AFF2: variants seen among roughly 807,000 people sequenced by gnomAD.
The protein encoded by AFF2 is ALF transcription elongation factor 2.
Under a neutral mutation model 76.9 loss-of-function variants are expected in AFF2, and 14 were observed. The ratio of observed to expected loss-of-function variants is 0.18; its 90% CI spans 0.12 to 0.28. AFF2 has a LOEUF of 0.28. Among genes scored for constraint, AFF2 ranks in the 10% least tolerant of loss-of-function variants. The pLI is 1.00. For synonymous variants in AFF2, 398 were observed against 366.7 expected (o/e 1.09, Z -0.98); for missense variants, 868 against 1,001.1 (o/e 0.87, Z 1.79).
chrX:148,958,502 C>G (rs781910129), intron 12 of AFF2, 44 bp downstream of exon 12: 17 of 1,180,669 alleles, frequency 1.4e-5, no homozygotes, highest in Non-Finnish European at 1.8e-5. Flanking sequence ...TATGATTGTT[C>G]AGACTCCTAA....
chrX:148,518,771 A>G (rs182254415), intron 1 of AFF2, among the ~76,000 whole-genome samples: 1 of 112,237 alleles, frequency 8.9e-6, no homozygotes, highest in African/African-American at 3.2e-5. Context: ...GCTGCAGTGT[A>G]GACCATTGGC....
intron 8 of AFF2, among the ~76,000 whole-genome samples, chrX:148,888,337 G>C (rs1257462366): frequency 8.9e-6 from 1 of 112,167 alleles, no homozygotes; most frequent in Non-Finnish European, 1.9e-5. Context: ...TCGATGTCAT[G>C]TATCAGTACT....
intron 4 of AFF2, among the ~76,000 whole-genome samples, chrX:148,827,567 C>T (rs1284164155): frequency 4.5e-5 from 5 of 111,823 alleles, no homozygotes; most frequent in African/African-American, 6.5e-5. Context: ...GCATTGACAC[C>T]GTATCTCTCC....
rs74588223 is a variant in AFF2, at chrX:148,745,781, C to T, written c.1042-64095C>T. ...ATTTTTAGACAGAGTCTGACTCTGTCGCCAACGCTGGGGTGTAGTGGTGCG... is the reference window on the plus strand; with the variant it reads ...ATTTTTAGACAGAGTCTGACTCTGTTGCCAACGCTGGGGTGTAGTGGTGCG... On this transcript the variant is annotated intron_variant, in intron 3 of 20. Transcript: ENST00000370460. Among the ~76,000 whole-genome samples, 25 of 110,696 alleles carry T rather than the reference C, an allele frequency of 2.3e-4. No individual in the cohort carries two copies. In the East Asian group the frequency reaches 7.1e-3, roughly 31 times the overall value.
At chrX:148,675,241 T>C (rs1196442332) in intron 3 of AFF2, among the ~76,000 whole-genome samples, 1 of 106,985 alleles carries the variant, frequency 9.3e-6, no homozygotes, top group Non-Finnish European at 1.9e-5. Flanking sequence ...AAAGATGAGG[T>C]GAGGTTCAGC....
intron 3 of AFF2, among the ~76,000 whole-genome samples, chrX:148,673,756 G>A (rs1158059889): frequency 2.7e-5 from 3 of 111,710 alleles, no homozygotes; most frequent in African/African-American, 9.8e-5. Context: ...TTGGAGGGAG[G>A]TGGGCTTCTC....
intron 9 of AFF2, among the ~76,000 whole-genome samples, chrX:148,924,426 G>C (rs1557283536): frequency 8.9e-6 from 1 of 111,893 alleles, no homozygotes; most frequent in African/African-American, 3.3e-5. Context: ...CTAAATTCAG[G>C]GTTCTTACCT....
intron 13 of AFF2, among the ~76,000 whole-genome samples, chrX:148,965,315 A>G (rs1557288523): frequency 8.9e-6 from 1 of 112,331 alleles, no homozygotes; most frequent in Non-Finnish European, 1.9e-5. Context: ...TTAACTGGTA[A>G]TGTTGAGGGA....
chrX:148,982,132 G>GT (rs1217839795), intron 19 of AFF2, among the ~76,000 whole-genome samples: 2 of 111,842 alleles, frequency 1.8e-5, no homozygotes, highest in African/African-American at 6.5e-5. Context: ...GGAAAAAAGC[G>GT]TTTTTTTAAA....
chrX:148,672,424 G>T (rs1557259169), intron 3 of AFF2, among the ~76,000 whole-genome samples: 1 of 112,078 alleles, frequency 8.9e-6, no homozygotes, highest in East Asian at 2.8e-4. Context: ...CTTGCCTAAA[G>T]GCACACAGCC....
At chrX:148,780,603 C>T (rs1372398032) in intron 3 of AFF2, among the ~76,000 whole-genome samples, 3 of 111,671 alleles carry the variant, frequency 2.7e-5, no homozygotes, top group Non-Finnish European at 5.6e-5. Flanking sequence ...TCCATAAGGT[C>T]ATTTATGTTC....
rs782230787 is a variant in AFF2, at chrX:148,501,063, G to C, written c.-35G>C. 1.4e-5 allele frequency: 17 copies of C among 1,205,406 alleles called. No individual in the cohort carries two copies. In the South Asian group the frequency reaches 2.5e-4, roughly 17 times the overall value. ...GCCGCGCCGACCCGCTGCGATCAGG[G>C]ACAGGCGCCCGCCCGCCGCCGCCGC... On this transcript the variant is annotated 5_prime_UTR_variant, in exon 1 of 21. Transcript: ENST00000370460.
At chrX:148,849,814 T>A (rs1322104670) in intron 7 of AFF2, among the ~76,000 whole-genome samples, 1 of 111,836 alleles carries the variant, frequency 8.9e-6, no homozygotes, top group Non-Finnish European at 1.9e-5. Context: ...CCAGAACATA[T>A]GCTCTTAACT....
chrX:148,805,097 G>T (rs1270270963), intron 3 of AFF2, among the ~76,000 whole-genome samples: 1 of 111,493 alleles, frequency 9.0e-6, no homozygotes, highest in Non-Finnish European at 1.9e-5. Flanking sequence ...TAGTAATTCT[G>T]CATCAGGGGA....
chrX:148,912,469 G>A (rs189635403), intron 9 of AFF2, among the ~76,000 whole-genome samples: 73 of 111,946 alleles, frequency 6.5e-4, no homozygotes, highest in Non-Finnish European at 1.2e-3. Context: ...TCAGGGTGGA[G>A]GGTGGGAAGA....
intron 1 of AFF2, among the ~76,000 whole-genome samples, chrX:148,570,555 A>T (rs936933000): frequency 1.8e-5 from 2 of 111,931 alleles, no homozygotes; most frequent in African/African-American, 6.5e-5. Context: ...CTGTGTAATG[A>T]CAATCCTTCT....
At chrX:148,687,349 G>T (rs2124497171) in intron 3 of AFF2, among the ~76,000 whole-genome samples, 1 of 111,792 alleles carries the variant, frequency 8.9e-6, no homozygotes, top group South Asian at 3.6e-4. Context: ...AATAATTTAT[G>T]CAGATTACAA....
chrX:148,838,179 C>T (rs1430514708), intron 5 of AFF2, among the ~76,000 whole-genome samples: 1 of 112,449 alleles, frequency 8.9e-6, no homozygotes, highest in Non-Finnish European at 1.9e-5. Flanking sequence ...AGAGCTTTAT[C>T]TTCTACAGTT....
chrX:148,691,352 T>C (rs782208573), intron 3 of AFF2, among the ~76,000 whole-genome samples: 1 of 112,533 alleles, frequency 8.9e-6, no homozygotes, highest in Non-Finnish European at 1.9e-5. Flanking sequence ...TTTCCTACTT[T>C]CATTTACTTA....
Sources: allele counts gnomAD v4.1 joint callset (sites outside exome capture counted in the v4.1 genomes callset), GRCh38; gene constraint gnomAD v4.1.1; transcripts MANE v1.5; gene names NCBI Gene and HGNC (gene_info 2026-07-23, HGNC 2026-07-21).